The following ZNF331 variants were observed in gnomAD, a reference collection of about 807,000 sequenced individuals.
The protein encoded by ZNF331 is zinc finger protein 331.
A neutral mutation model predicts 7.0 loss-of-function variants in ZNF331; 2 were observed. The observed-to-expected ratio is 0.29, with a 90% CI of 0.12 to 0.90. The LOEUF is 0.90. Ranked by LOEUF, ZNF331 falls within the 40% of genes least tolerant of loss-of-function variation. ZNF331 has a pLI of 0.58. For missense variants in ZNF331, 432 were observed against 587.7 expected, an observed-to-expected ratio of 0.74 and a Z score of 2.74; for synonymous variants, 196 against 205.4, an observed-to-expected ratio of 0.95 and a Z score of 0.39.
Position 53,551,855 on chromosome 19 carries a change from T to G in ZNF331, c.-137-3990T>G, listed in dbSNP as rs190573379. Among the ~76,000 whole-genome samples the G allele has an allele frequency of 9.8e-5, 15 of 152,302 alleles. 1 individual carries two copies. The East Asian group carries it at 1.5e-3, about 16-fold the overall frequency. ...TATGCAGATACTATACCACTTTGTA[T>G]AAGAGTCTGAAGCATTCGAGGATTT... On this transcript the variant is annotated intron_variant, in intron 2 of 5. Transcript: ENST00000449416.
At chr19:53,559,962 A>G (rs2089757946) in intron 3 of ZNF331, among the ~76,000 whole-genome samples, 1 of 150,112 alleles carries the variant, frequency 6.7e-6, no homozygotes. Context: ...ACACACATAT[A>G]CACCCCGTAC....
At chr19:53,542,093 A>G (rs576367991) in intron 2 of ZNF331, among the ~76,000 whole-genome samples, 1 of 152,176 alleles carries the variant, frequency 6.6e-6, no homozygotes, top group South Asian at 2.1e-4. Flanking sequence ...TTGTTTTTGG[A>G]GTATTGAATC....
intron 4 of ZNF331, among the ~76,000 whole-genome samples, chr19:53,569,882 T>C (rs373772421): frequency 2.0e-5 from 3 of 152,132 alleles, no homozygotes. Flanking sequence ...GCCGGGAAAC[T>C]GGAGGATAAA....
intron 2 of ZNF331, among the ~76,000 whole-genome samples, chr19:53,542,145 A>G (rs1176021520): frequency 2.0e-5 from 3 of 152,194 alleles, no homozygotes; most frequent in Non-Finnish European, 2.9e-5. Context: ...CCAAATCTTA[A>G]TTTATAAAAG....
intron 2 of ZNF331, among the ~76,000 whole-genome samples, chr19:53,543,090 T>G (rs1182345505): frequency 6.6e-6 from 1 of 151,994 alleles, no homozygotes; most frequent in African/African-American, 2.4e-5. Flanking sequence ...ATTACAGGCA[T>G]GAGCCACCGC....
chr19:53,555,519 A>G (rs1380471384), intron 2 of ZNF331: 6 of 152,538 alleles, frequency 3.9e-5, no homozygotes, highest in East Asian at 3.9e-4. Flanking sequence ...GGGCCGCGGA[A>G]GGACGGGAGT....
chr19:53,507,698 G>A, the ZNF331 span, among the ~76,000 whole-genome samples: 28 of 152,192 alleles, frequency 1.8e-4, no homozygotes, highest in South Asian at 5.4e-3. Context: ...CGTTTGTTCC[G>A]CTCAACGGTC....
At chr19:53,568,942 C>T (rs1042438415) in intron 3 of ZNF331, among the ~76,000 whole-genome samples, 1 of 150,976 alleles carries the variant, frequency 6.6e-6, no homozygotes, top group Non-Finnish European at 1.5e-5. Context: ...CTGCAACCTC[C>T]GCCTCCCGGG....
chr19:53,525,595 C>G lies in ZNF331; in HGVS notation c.-205+2911C>G, dbSNP rs921323843. Among the ~76,000 whole-genome samples the G allele has an allele frequency of 4.6e-5, 7 of 152,148 alleles. No individual in the cohort carries two copies. In the East Asian group the frequency reaches 1.3e-3, roughly 29 times the overall value. On this transcript the variant is annotated intron_variant, in intron 2 of 6. Transcript: ENST00000253144. Reference sequence around the variant, plus strand: ...TGTATAGGAATGCTTGTGACTTTTGCACATTGATTTTGTAAGGGATACTAT... The same window carrying G: ...TGTATAGGAATGCTTGTGACTTTTGGACATTGATTTTGTAAGGGATACTAT...
At chr19:53,557,449 C>A (rs929222412) in intron 3 of ZNF331, among the ~76,000 whole-genome samples, 1 of 152,192 alleles carries the variant, frequency 6.6e-6, no homozygotes, top group African/African-American at 2.4e-5. Flanking sequence ...TTCCTGAGCA[C>A]TCCTCCCTCA....
chr19:53,503,811 A>G, the ZNF331 span: 1 of 698,046 alleles, frequency 1.4e-6, no homozygotes, highest in Non-Finnish European at 2.6e-6. Flanking sequence ...TCCCTGGTCA[A>G]TATCATTGTT....
At chr19:53,517,621 G>A (rs34883528), upstream of ZNF331, among the ~76,000 whole-genome samples, 50,697 of 152,000 alleles carry the variant, frequency 0.33, 8,673 homozygotes, top group Middle Eastern at 0.42. Context: ...GCAGGTTCAA[G>A]TCTGCTGAGA....
At chr19:53,519,528 A>G (rs1023382263), upstream of ZNF331, among the ~76,000 whole-genome samples, 2 of 152,244 alleles carry the variant, frequency 1.3e-5, no homozygotes, top group African/African-American at 4.8e-5. Flanking sequence ...GCAAAGGTCC[A>G]AGGAACATCC....
intron 3 of ZNF331, among the ~76,000 whole-genome samples, chr19:53,568,163 T>G (rs937668681): frequency 6.6e-6 from 1 of 151,104 alleles, no homozygotes; most frequent in Admixed American, 6.6e-5. Flanking sequence ...GAGAATCGCT[T>G]GAACCCGGGA....
At chr19:53,530,983 A>G (rs907389296) in intron 2 of ZNF331, among the ~76,000 whole-genome samples, 4 of 152,100 alleles carry the variant, frequency 2.6e-5, no homozygotes, top group Non-Finnish European at 4.4e-5. Flanking sequence ...GGAATCTCTG[A>G]AACACTCTGA....
At chr19:53,514,764 C>T (rs1257023324), upstream of ZNF331, among the ~76,000 whole-genome samples, 1 of 151,012 alleles carries the variant, frequency 6.6e-6, no homozygotes, top group Non-Finnish European at 1.5e-5. Context: ...CATCCTCCTG[C>T]CTCAGCCTCC....
chr19:53,549,848 A>T (rs1431300351), intron 2 of ZNF331, among the ~76,000 whole-genome samples: 1 of 150,462 alleles, frequency 6.6e-6, no homozygotes, highest in African/African-American at 2.5e-5. Context: ...TTTGTTTGAG[A>T]TCTTCCTTCT....
intron 2 of ZNF331, among the ~76,000 whole-genome samples, chr19:53,546,140 G>GAAAAAAAAGAAAAAAAAAAAAAAAAA (rs2088588593): frequency 8.8e-6 from 1 of 113,484 alleles, no homozygotes; most frequent in Non-Finnish European, 1.9e-5. Context: ...TCCTGAGGGG[G>GAAAAAAAAGAAAAAAAAAAAAAAAAA]AAAAAAAAAA....
Position 53,577,477 on chromosome 19 carries a change from A to G in ZNF331, c.917A>G (p.Lys306Arg), listed in dbSNP as rs1371654318. 1.2e-6 allele frequency: 2 copies of G among 1,614,088 alleles called. No homozygotes were observed. The highest frequency in any genetic ancestry group is 1.7e-6 in the Non-Finnish European group (2 of 1,180,026). ...EKPYECQECG[K>R]AFTRVNYLTQ... ...CCCTATGAATGTCAAGAATGTGGGAAGGCCTTTACTCGAGTCAATTACCTT... is the reference window on the plus strand; with the variant it reads ...CCCTATGAATGTCAAGAATGTGGGAGGGCCTTTACTCGAGTCAATTACCTT... Residue 306 changes from lysine (K) to arginine (R), a missense_variant, in exon 6 of 6, where the codon AAG (lysine) becomes AGG (arginine). Coordinates refer to ENST00000449416, the MANE Select transcript of ZNF331 (RefSeq NM_001079906.2).
Sources: allele counts gnomAD v4.1 joint callset (sites outside exome capture counted in the v4.1 genomes callset), GRCh38; gene constraint gnomAD v4.1.1; transcripts MANE v1.5; gene names NCBI Gene and HGNC (gene_info 2026-07-23, HGNC 2026-07-21).